EHBP1: variants seen among roughly 807,000 people sequenced by gnomAD.
EHBP1 encodes EH domain-binding protein 1.
A neutral mutation model predicts 144.0 loss-of-function variants in EHBP1; 55 were observed. That is an observed-to-expected ratio of 0.38 (90% confidence interval 0.31 to 0.48). The LOEUF is 0.48. EHBP1 is among the 20% of genes least tolerant of loss of function. The probability of loss-of-function intolerance (pLI) is 0.98; values close to 1 mark genes in which losing one functional copy is unlikely to be tolerated. For missense variants in EHBP1, 1,200 were observed against 1,364.2 expected (o/e 0.88, Z 1.90); for synonymous variants, 469 against 472.7 (o/e 0.99, Z 0.10).
intron 14 of EHBP1, among the ~76,000 whole-genome samples, chr2:62,975,309 C>A (rs1375056745): frequency 6.6e-6 from 1 of 152,190 alleles, no homozygotes; most frequent in Admixed American, 6.5e-5. Context: ...TGCAACACTT[C>A]TGCATTCTAT....
At chr2:62,750,706 G>C (rs187751228) in intron 3 of EHBP1, among the ~76,000 whole-genome samples, 1 of 152,254 alleles carries the variant, frequency 6.6e-6, no homozygotes, top group African/African-American at 2.4e-5. Flanking sequence ...CACATCCCTT[G>C]TAAGTTGGAT....
chr2:62,852,324 GATA>G (rs2152762645), intron 7 of EHBP1, among the ~76,000 whole-genome samples: 1 of 152,130 alleles, frequency 6.6e-6, no homozygotes, highest in African/African-American at 2.4e-5. Flanking sequence ...ATAAAATGTG[GATA>G]ATAATACTTC....
chr2:62,975,236 G>C (rs2058660262), intron 14 of EHBP1, among the ~76,000 whole-genome samples: 1 of 152,182 alleles, frequency 6.6e-6, no homozygotes, highest in Non-Finnish European at 1.5e-5. Context: ...CAGAATATAA[G>C]AATTTCAAGA....
intron 1 of EHBP1, among the ~76,000 whole-genome samples, chr2:62,694,567 T>C (rs1255775114): frequency 4.6e-5 from 7 of 151,324 alleles, no homozygotes; most frequent in Admixed American, 4.6e-4. Flanking sequence ...GTGGAGAAAC[T>C]CTTACTGCCT....
chr2:62,929,068 C>G (rs895760179), intron 10 of EHBP1, among the ~76,000 whole-genome samples: 3 of 151,966 alleles, frequency 2.0e-5, no homozygotes, highest in Non-Finnish European at 4.4e-5. Context: ...AGCTCTAATT[C>G]GTAAGAAGAA....
At chr2:62,846,725 A>G (rs2048324674) in intron 7 of EHBP1, among the ~76,000 whole-genome samples, 1 of 152,230 alleles carries the variant, frequency 6.6e-6, no homozygotes, top group Non-Finnish European at 1.5e-5. Flanking sequence ...AAAAAATTTC[A>G]TTTACAGTAG....
intron 10 of EHBP1, among the ~76,000 whole-genome samples, chr2:62,916,204 AAATAT>A (rs1208195996): frequency 1.3e-5 from 2 of 152,120 alleles, no homozygotes; most frequent in Admixed American, 6.6e-5. Context: ...AAGAAAAAGA[AAATAT>A]AATAATATTA....
intron 18 of EHBP1, 126 bp from the exon 19 acceptor site, chr2:62,996,517 G>T: frequency 8.7e-7 from 1 of 1,144,574 alleles, no homozygotes; most frequent in Non-Finnish European, 1.2e-6. Flanking sequence ...GTTGCTTTTT[G>T]GTACTAAGGG....
At chr2:62,688,645 C>A (rs1273921931) in intron 1 of EHBP1, among the ~76,000 whole-genome samples, 1 of 152,052 alleles carries the variant, frequency 6.6e-6, no homozygotes, top group Non-Finnish European at 1.5e-5. Context: ...GCTTCCCAGC[C>A]TCTAGTATCT....
intron 14 of EHBP1, among the ~76,000 whole-genome samples, chr2:62,962,217 T>A (rs1172136308): frequency 6.6e-6 from 1 of 152,010 alleles, no homozygotes; most frequent in East Asian, 1.9e-4. Context: ...TCCCAGCTAC[T>A]CGGGAGGCTG....
rs145311853 is a variant in EHBP1 at position 62,748,693 on chromosome 2, A to G, written c.162+1241A>G. Among the ~76,000 whole-genome samples the G allele has an allele frequency of 1.6e-3, 241 of 152,190 alleles. 1 individual carries two copies. Among genetic ancestry groups the G allele is most frequent in the Non-Finnish European group, 2.7e-3 (182 of 67,978 alleles). ...ATTCTGTTCTAAAATAAATGTGACT[A>G]TATTTTTTATTAGTATACAATGACC... On this transcript the variant is annotated intron_variant, in intron 3 of 22. Coordinates refer to ENST00000431489, the MANE Select transcript of EHBP1 (RefSeq NM_001142616.3).
intron 7 of EHBP1, among the ~76,000 whole-genome samples, chr2:62,843,256 T>C (rs1168741380): frequency 6.6e-6 from 1 of 152,202 alleles, no homozygotes; most frequent in African/African-American, 2.4e-5. Flanking sequence ...TGAAAGGCCA[T>C]AGTGAATGAA....
chr2:62,774,704 A>T (rs985474422), intron 5 of EHBP1, among the ~76,000 whole-genome samples: 1 of 151,900 alleles, frequency 6.6e-6, no homozygotes, highest in African/African-American at 2.4e-5. Flanking sequence ...AATTAACTGG[A>T]CGTGGTGGCA....
chr2:62,765,423 T>C (rs1378293260), intron 4 of EHBP1, among the ~76,000 whole-genome samples: 1 of 152,178 alleles, frequency 6.6e-6, no homozygotes, highest in Non-Finnish European at 1.5e-5. Flanking sequence ...TTATAAGATA[T>C]ATATTCATTA....
chr2:62,695,329 C>G (rs1403908511), intron 1 of EHBP1, among the ~76,000 whole-genome samples: 4 of 152,050 alleles, frequency 2.6e-5, no homozygotes, highest in Admixed American at 6.5e-5. Context: ...CCACTGCACT[C>G]TACTCCGGAT....
At chr2:62,939,915 C>T (rs915759276) in intron 10 of EHBP1, 1 of 205,218 alleles carries the variant, frequency 4.9e-6, no homozygotes, top group African/African-American at 2.3e-5. Context: ...CTCCAAGGAA[C>T]ATGTAGGTTA....
chr2:62,993,857 C>T lies in EHBP1; in HGVS notation c.2873-14C>T. On this transcript the variant is annotated splice_polypyrimidine_tract_variant and intron_variant, in intron 17 of 22. Coordinates refer to ENST00000431489, the MANE Select transcript of EHBP1 (RefSeq NM_001142616.3). ...TACAATAATTTTACATGTCTTTCCT[C>T]TTTTTTTTTTAAGAGATGAAAAGGC... 2 of 1,291,330 alleles carry T rather than the reference C, an allele frequency of 1.5e-6. No homozygotes were observed. The highest frequency in any genetic ancestry group is 2.6e-5 in the Admixed American group (1 of 39,120). 80.0% of individuals were successfully genotyped at this position (1,291,330 alleles called of 1,614,324 possible).
chr2:63,031,698 G>T (rs1468312522), intron 19 of EHBP1, among the ~76,000 whole-genome samples: 1 of 152,164 alleles, frequency 6.6e-6, no homozygotes, highest in Non-Finnish European at 1.5e-5. Context: ...GAAGGCCGAG[G>T]TGGGCAAATC....
At chr2:63,014,799 G>A (rs1204657443) in intron 19 of EHBP1, among the ~76,000 whole-genome samples, 1 of 152,200 alleles carries the variant, frequency 6.6e-6, no homozygotes, top group Admixed American at 6.5e-5. Flanking sequence ...CCAACATGGA[G>A]AAACCCCGTC....
Sources: allele counts gnomAD v4.1 joint callset (sites outside exome capture counted in the v4.1 genomes callset), GRCh38; gene constraint gnomAD v4.1.1; transcripts MANE v1.5; gene names NCBI Gene and HGNC (gene_info 2026-07-23, HGNC 2026-07-21).